DENND5A: variants seen among roughly 807,000 people sequenced by gnomAD.
The protein encoded by DENND5A is DENN domain-containing protein 5A.
A neutral mutation model predicts 140.3 loss-of-function variants in DENND5A; 64 were observed. The ratio of observed to expected loss-of-function variants is 0.46; its 90% CI spans 0.37 to 0.56. The LOEUF (loss-of-function observed/expected upper bound fraction) is 0.56, where lower values mean the gene tolerates loss of function less well. Ranked by LOEUF, DENND5A falls within the 20% of genes least tolerant of loss-of-function variation. The pLI, the probability that DENND5A is intolerant of heterozygous loss-of-function variation, is 0.00. For missense variants in DENND5A, 1,292 were observed against 1,593.8 expected (o/e 0.81, Z 3.22); for synonymous variants, 605 against 607.7 (o/e 1.00, Z 0.07).
At chr11:9,163,333 G>A (rs1037443325) in intron 11 of DENND5A, among the ~76,000 whole-genome samples, 2 of 152,116 alleles carry the variant, frequency 1.3e-5, no homozygotes, top group Non-Finnish European at 2.9e-5. Flanking sequence ...ACAGCCTGTT[G>A]CCTCACGTGC....
chr11:9,258,363 G>A (rs1852043231), intron 1 of DENND5A, among the ~76,000 whole-genome samples: 1 of 148,384 alleles, frequency 6.7e-6, no homozygotes, highest in African/African-American at 2.5e-5. Context: ...ACTTATGAGT[G>A]AGAACATGTG....
At chr11:9,248,617 G>C (rs890762851) in intron 1 of DENND5A, among the ~76,000 whole-genome samples, 1 of 151,688 alleles carries the variant, frequency 6.6e-6, no homozygotes, top group African/African-American at 2.4e-5. Flanking sequence ...TTGAGCCCCT[G>C]CATTCCAGCC....
intron 12 of DENND5A, among the ~76,000 whole-genome samples, chr11:9,155,901 T>A (rs949101627): frequency 2.6e-5 from 4 of 152,186 alleles, no homozygotes; most frequent in African/African-American, 9.6e-5. Context: ...TCAAGGCTAG[T>A]AACAAAATTT....
At chr11:9,197,596 G>A (rs528947913) in intron 4 of DENND5A, among the ~76,000 whole-genome samples, 67 of 151,888 alleles carry the variant, frequency 4.4e-4, no homozygotes, top group African/African-American at 1.4e-3. Context: ...TTGGGGGGCT[G>A]AGGCACAAGA....
intron 15 of DENND5A, among the ~76,000 whole-genome samples, chr11:9,148,372 A>G (rs1847500846): frequency 6.6e-6 from 1 of 152,046 alleles, no homozygotes; most frequent in Non-Finnish European, 1.5e-5. Context: ...CAAATGAAGG[A>G]AGGTCCTAAA....
At chr11:9,164,193 AATTTTTTTTTTTTTTTTTTTTTT>A (rs1848104720) in intron 11 of DENND5A, among the ~76,000 whole-genome samples, 1 of 91,740 alleles carries the variant, frequency 1.1e-5, no homozygotes. Context: ...CACCACGCCT[AATTTTTTTTTTTTTTTTTTTTTT>A]TTTTTTTTTT....
intron 11 of DENND5A, among the ~76,000 whole-genome samples, chr11:9,161,225 G>A (rs972908655): frequency 1.3e-5 from 2 of 152,200 alleles, no homozygotes; most frequent in African/African-American, 4.8e-5. Flanking sequence ...GCGGGCGCCT[G>A]TGGTCCCAGC....
intron 1 of DENND5A, among the ~76,000 whole-genome samples, chr11:9,247,457 T>G (rs960928474): frequency 6.6e-6 from 1 of 151,930 alleles, no homozygotes; most frequent in African/African-American, 2.4e-5. Context: ...CTATAATGTT[T>G]CCATTTTCAT....
At chr11:9,252,003 A>G (rs7951920) in intron 1 of DENND5A, among the ~76,000 whole-genome samples, 4,970 of 137,060 alleles carry the variant, frequency 0.036, 289 homozygotes, top group African/African-American at 0.13. Flanking sequence ...AAAAAAAGAA[A>G]AAAGAACTAA....
chr11:9,241,276 T>G (rs7932912), intron 1 of DENND5A, among the ~76,000 whole-genome samples: 5,918 of 152,292 alleles, frequency 0.039, 388 homozygotes, highest in African/African-American at 0.13. Flanking sequence ...TTCTCAAACC[T>G]TAGTATGCAT....
Position 9,170,011 on chromosome 11 carries a change from T to A in DENND5A, c.2058-62A>T. ...GTCTCACTTAAAAAGCAATGTCAAC[T>A]AACAGGAGAAAACATGAATGACTAC... On this transcript the variant is annotated intron_variant, in intron 9 of 22. Transcript: ENST00000328194. The A allele has an allele frequency of 1.7e-6, 2 of 1,208,398 alleles. No individual in the cohort carries two copies. The highest frequency in any genetic ancestry group is 2.5e-6 in the Non-Finnish European group (2 of 813,540). The allele number at this position is 1,208,398 out of a possible 1,614,324, so 74.9% of individuals were successfully genotyped here.
At chr11:9,247,521 T>C (rs1435685615) in intron 1 of DENND5A, among the ~76,000 whole-genome samples, 2 of 144,958 alleles carry the variant, frequency 1.4e-5, no homozygotes, top group Non-Finnish European at 3.0e-5. Flanking sequence ...TTTTATCAAA[T>C]AAAAACTCTA....
intron 4 of DENND5A, among the ~76,000 whole-genome samples, chr11:9,201,662 C>A (rs546430439): frequency 1.9e-4 from 29 of 152,030 alleles, no homozygotes; most frequent in African/African-American, 6.8e-4. Flanking sequence ...AGAGTGAGAC[C>A]CTGTCTCAAA....
chr11:9,247,258 C>T (rs1851517628), intron 1 of DENND5A, among the ~76,000 whole-genome samples: 1 of 151,004 alleles, frequency 6.6e-6, no homozygotes, highest in African/African-American at 2.4e-5. Flanking sequence ...CCCTTGCCTG[C>T]AAGCCACTGG....
intron 1 of DENND5A, among the ~76,000 whole-genome samples, chr11:9,228,952 A>G (rs1053199349): frequency 6.6e-6 from 1 of 152,156 alleles, no homozygotes; most frequent in African/African-American, 2.4e-5. Flanking sequence ...ATTCTGGCAA[A>G]TTATGCAAAC....
intron 1 of DENND5A, among the ~76,000 whole-genome samples, chr11:9,224,480 T>C (rs1436587270): frequency 6.6e-6 from 1 of 152,194 alleles, no homozygotes; most frequent in Non-Finnish European, 1.5e-5. Context: ...CTTTCATTCT[T>C]TGTTAGATGT....
chr11:9,157,243 T>C (rs544944569), intron 12 of DENND5A, among the ~76,000 whole-genome samples: 3 of 152,312 alleles, frequency 2.0e-5, no homozygotes, highest in Admixed American at 6.5e-5. Flanking sequence ...AGCATAATAA[T>C]AGCTGTCATA....
chr11:9,263,992 G>C (rs996869937), intron 1 of DENND5A, among the ~76,000 whole-genome samples: 1 of 152,186 alleles, frequency 6.6e-6, no homozygotes, highest in African/African-American at 2.4e-5. Context: ...ACAGAAAAGT[G>C]AAAAGGAGTC....
chr11:9,140,921 G>A (rs1252162408), intron 22 of DENND5A, among the ~76,000 whole-genome samples: 1 of 152,172 alleles, frequency 6.6e-6, no homozygotes, highest in African/African-American at 2.4e-5. Context: ...GAGGTCAGGA[G>A]TTCAAGACCA....
Sources: allele counts gnomAD v4.1 joint callset (sites outside exome capture counted in the v4.1 genomes callset), GRCh38; gene constraint gnomAD v4.1.1; transcripts MANE v1.5; gene names NCBI Gene and HGNC (gene_info 2026-07-23, HGNC 2026-07-21).